Variants in CDH2 observed in about 807,000 individuals in gnomAD.
The protein encoded by CDH2 is cadherin-2.
In CDH2, 17 loss-of-function variants were observed where a neutral mutation model predicts 92.0. The ratio of observed to expected loss-of-function variants is 0.18; its 90% confidence interval spans 0.13 to 0.28. The LOEUF (loss-of-function observed/expected upper bound fraction) is 0.28, where lower values mean the gene tolerates loss of function less well. CDH2 is among the 10% of genes least tolerant of loss of function. The pLI is 1.00. For synonymous variants in CDH2, 419 were observed against 415.9 expected (o/e 1.01, Z -0.09); for missense variants, 862 against 1,133.1 (o/e 0.76, Z 3.44).
intron 2 of CDH2, among the ~76,000 whole-genome samples, chr18:28,131,108 C>T (rs146006034): frequency 6.6e-5 from 10 of 152,096 alleles, no homozygotes; most frequent in East Asian, 1.9e-4. Flanking sequence ...ATAATTTGTT[C>T]GTAAAATAAC....
intron 1 of CDH2, among the ~76,000 whole-genome samples, chr18:28,170,157 C>T (rs1032549859): frequency 1.3e-5 from 2 of 152,180 alleles, no homozygotes; most frequent in Non-Finnish European, 2.9e-5. Context: ...CTACTTATAG[C>T]TCAGGCTGCT....
In CDH2 at chr18:28,009,761, A is replaced by C; in HGVS notation, c.658T>G (p.Ser220Ala). ...FIINPISGQL[S>A]VTKPLDREQI... ...TCGCGATCCAGGGGCTTTGTCACCG[A>C]CAGCTGACCCGAGATGGGGTTGATA... is the stretch of plus-strand genomic sequence containing the variant. Residue 220 changes from serine to alanine, a missense_variant, in exon 5 of 16, where the codon TCG (serine) becomes GCG (alanine). Physicochemically the swap from Ser to Ala is moderately conservative, Grantham distance 99 (BLOSUM62 1). Coordinates refer to ENST00000269141, the MANE Select transcript of CDH2 (RefSeq NM_001792.5). The C allele has an allele frequency of 6.2e-7, 1 of 1,614,034 alleles. No individual in the cohort carries two copies. Among genetic ancestry groups the C allele is most frequent in the Non-Finnish European group, 8.5e-7 (1 of 1,179,992 alleles).
chr18:27,991,948 A>C (rs1435660428), intron 9 of CDH2, among the ~76,000 whole-genome samples: 1 of 152,234 alleles, frequency 6.6e-6, no homozygotes, highest in Non-Finnish European at 1.5e-5. Flanking sequence ...TTTCCATTAT[A>C]GCTACGCATT....
intron 1 of CDH2, among the ~76,000 whole-genome samples, chr18:28,151,091 A>G (rs1462872680): frequency 2.0e-5 from 3 of 152,244 alleles, no homozygotes; most frequent in Non-Finnish European, 2.9e-5. Flanking sequence ...GCTGTGACTG[A>G]TACCAGGTAT....
intron 2 of CDH2, among the ~76,000 whole-genome samples, chr18:28,112,169 G>A (rs888913264): frequency 7.9e-5 from 12 of 152,196 alleles, no homozygotes; most frequent in African/African-American, 2.7e-4. Context: ...CATGAATCAC[G>A]TCCATGTCAC....
At chr18:28,174,621 A>ATGCT (rs1240824862) in intron 1 of CDH2, among the ~76,000 whole-genome samples, 13 of 152,232 alleles carry the variant, frequency 8.5e-5, no homozygotes, top group Non-Finnish European at 1.2e-4. Context: ...ACATTATTTA[A>ATGCT]TGCTTATAAA....
intron 5 of CDH2, among the ~76,000 whole-genome samples, chr18:28,008,602 G>C (rs1444874262): frequency 6.6e-6 from 1 of 152,042 alleles, no homozygotes; most frequent in Non-Finnish European, 1.5e-5. Flanking sequence ...TCGTGGGGTG[G>C]GATGAGGGGG....
At chr18:28,034,684 A>T (rs1222289573) in intron 2 of CDH2, among the ~76,000 whole-genome samples, 3 of 148,018 alleles carry the variant, frequency 2.0e-5, no homozygotes, top group African/African-American at 5.2e-5. Flanking sequence ...CAACCACAAT[A>T]AAAAAAAACA....
At chr18:28,070,607 C>T (rs887298792) in intron 2 of CDH2, among the ~76,000 whole-genome samples, 23 of 152,294 alleles carry the variant, frequency 1.5e-4, no homozygotes, top group South Asian at 8.3e-4. Context: ...CTGGGCTGGA[C>T]GCTTCACTAA....
At position 27,958,079 on chromosome 18, in the gene CDH2, C is replaced by T. The variant is rs2011295882; in HGVS notation, c.2514+5278G>A. ...TAATCTCGTTTAGTTCTCACGCAAT[C>T]TTAAAAGGAGGTTCTATTACTATTC... is the stretch of plus-strand genomic sequence containing the variant. On this transcript the variant is annotated intron_variant, in intron 15 of 15. Coordinates refer to ENST00000269141, the MANE Select transcript of CDH2 (RefSeq NM_001792.5). 2.0e-5 allele frequency among the ~76,000 whole-genome samples: 3 copies of T among 152,142 alleles called. No homozygotes were observed. In the South Asian group the frequency reaches 6.2e-4, roughly 31 times the overall value.
intron 2 of CDH2, among the ~76,000 whole-genome samples, chr18:28,055,102 T>C (rs531949272): frequency 1.3e-5 from 2 of 152,258 alleles, no homozygotes; most frequent in African/African-American, 4.8e-5. Flanking sequence ...ACAGTTCCAC[T>C]TGGCTGAGGA....
intron 2 of CDH2, among the ~76,000 whole-genome samples, chr18:28,024,051 T>C (rs1599042133): frequency 6.7e-6 from 1 of 148,698 alleles, no homozygotes; most frequent in Non-Finnish European, 1.5e-5. Flanking sequence ...CTGTATATAA[T>C]CTCATAAAGA....
At chr18:28,156,660 G>A (rs4068906) in intron 1 of CDH2, among the ~76,000 whole-genome samples, 739 of 7,804 alleles carry the variant, frequency 0.095, 42 homozygotes, top group Admixed American at 0.14. Context: ...CTTCCCAGGT[G>A]CAGAATGTCA....
chr18:28,072,757 A>T (rs1357841951), intron 2 of CDH2, among the ~76,000 whole-genome samples: 1 of 152,212 alleles, frequency 6.6e-6, no homozygotes, highest in Non-Finnish European at 1.5e-5. Context: ...CAACAAAATA[A>T]CCTTAGTTGT....
In CDH2 at chr18:27,951,572, T is replaced by A. The variant is rs556803759; in HGVS notation, c.*581A>T. ...TCAATTTTGCTACAAATTGGTGATATGAAAACTCCCTTTATTTGCAACCAG... is the reference window on the plus strand; with the variant it reads ...TCAATTTTGCTACAAATTGGTGATAAGAAAACTCCCTTTATTTGCAACCAG... On this transcript the variant is annotated 3_prime_UTR_variant, in exon 16 of 16. Coordinates refer to ENST00000269141, the MANE Select transcript of CDH2 (RefSeq NM_001792.5). 1.4e-4 allele frequency: 21 copies of A among 152,060 alleles called. No individual in the cohort carries two copies. The highest frequency in any genetic ancestry group is 3.1e-4 in the Non-Finnish European group (21 of 68,032). 9.4% of individuals were successfully genotyped at this position (152,060 alleles called of 1,614,324 possible).
chr18:28,075,334 G>T (rs769476170), intron 2 of CDH2, among the ~76,000 whole-genome samples: 42 of 152,146 alleles, frequency 2.8e-4, no homozygotes, highest in African/African-American at 9.7e-4. Context: ...TCCCACCCGT[G>T]TCTGAGCTCC....
intron 14 of CDH2, among the ~76,000 whole-genome samples, chr18:27,965,037 G>C (rs1385054041): frequency 5.9e-5 from 9 of 152,184 alleles, no homozygotes; most frequent in Non-Finnish European, 1.0e-4. Context: ...CTTGATAAGT[G>C]TTTTCTCACT....
At chr18:28,034,121 G>C (rs886615719) in intron 2 of CDH2, among the ~76,000 whole-genome samples, 1 of 152,000 alleles carries the variant, frequency 6.6e-6, no homozygotes, top group South Asian at 2.1e-4. Context: ...CCAGTAAACC[G>C]AGTTATGGTC....
chr18:28,089,514 C>G (rs1035694031), intron 2 of CDH2, among the ~76,000 whole-genome samples: 2 of 152,026 alleles, frequency 1.3e-5, no homozygotes, highest in African/African-American at 4.8e-5. Context: ...TTTCCATAAT[C>G]ATTTTTTTAA....
Sources: gnomAD v4.1 joint callset for allele counts (sites outside exome capture counted in the v4.1 genomes callset) on GRCh38, gnomAD v4.1.1 for gene constraint, MANE v1.5 for transcripts, NCBI Gene and HGNC (gene_info 2026-07-23, HGNC 2026-07-21) for gene names.